Variants in ARHGEF4 observed in about 807,000 individuals in gnomAD.
ARHGEF4 encodes the protein APC-stimulated guanine nucleotide exchange factor 1.
A neutral mutation model predicts 162.0 loss-of-function variants in ARHGEF4; 119 were observed. That is an observed-to-expected ratio of 0.73 (90% CI 0.63 to 0.86). The LOEUF is 0.86. Among genes scored for constraint, ARHGEF4 ranks in the 40% least tolerant of loss-of-function variants. ARHGEF4 has a pLI of 0.00. For missense variants in ARHGEF4, 2,488 were observed against 2,456.0 expected (o/e 1.01, Z -0.28); for synonymous variants, 1,014 against 979.9 (o/e 1.03, Z -0.65).
intron 1 of ARHGEF4, among the ~76,000 whole-genome samples, chr2:130,890,652 T>C (rs527781767): frequency 6.6e-6 from 1 of 152,328 alleles, no homozygotes; most frequent in South Asian, 2.1e-4. Context: ...AAATTTCTCT[T>C]TGGCTGTGTC....
intron 1 of ARHGEF4, among the ~76,000 whole-genome samples, chr2:130,868,566 G>C (rs1043118632): frequency 4.6e-5 from 7 of 152,182 alleles, no homozygotes; most frequent in African/African-American, 1.7e-4. Flanking sequence ...TCATACTGTC[G>C]TGGCACTGTG....
intron 1 of ARHGEF4, among the ~76,000 whole-genome samples, chr2:130,876,303 G>A (rs1378332047): frequency 1.3e-5 from 2 of 152,218 alleles, no homozygotes; most frequent in African/African-American, 4.8e-5. Flanking sequence ...CGAGTGGATG[G>A]AGGACTCAGG....
In ARHGEF4 at chr2:130,917,385, C is replaced by T. The variant is rs1204142109; in HGVS notation, c.3439C>T (p.Leu1147Phe). 7.1e-6 allele frequency: 11 copies of T among 1,550,518 alleles called. No individual in the cohort carries two copies. Among genetic ancestry groups the T allele is most frequent in the Non-Finnish European group, 8.7e-6 (10 of 1,147,024 alleles). The change falls in exon 2 of 14, where the codon CTT becomes TTT. Residue 1147 changes from leucine (L) to phenylalanine (F), a missense_variant. Physicochemically the swap from Leu to Phe is conservative, Grantham distance 22 (BLOSUM62 0). Around this residue, in one of 6 missense-constraint regions of ARHGEF4, gnomAD observed 1,642 missense variants for 1,481.5 expected, o/e 1.11. Coordinates refer to ENST00000409359, the MANE Select transcript of ARHGEF4 (RefSeq NM_001367493.1). Reference sequence around the variant, plus strand: ...TCCCAAGGGCCAGACCAGTTTCCTGCTTTCTCTGCAGACGCTAAACCAAGA... The same window carrying T: ...TCCCAAGGGCCAGACCAGTTTCCTGTTTTCTCTGCAGACGCTAAACCAAGA... ...KIPKGQTSFL[L>F]SLQTLNQDEQ...
chr2:130,931,900 T>C (rs1396935790), intron 3 of ARHGEF4, among the ~76,000 whole-genome samples: 2 of 152,208 alleles, frequency 1.3e-5, no homozygotes, highest in East Asian at 3.9e-4. Flanking sequence ...CCTTGAAGAC[T>C]CACTTTTTAA....
intron 4 of ARHGEF4, among the ~76,000 whole-genome samples, chr2:130,955,555 C>T (rs1684216320): frequency 6.6e-6 from 1 of 152,184 alleles, no homozygotes; most frequent in African/African-American, 2.4e-5. Flanking sequence ...CCCACAGTCA[C>T]CCATGGATGG....
At chr2:131,036,938 G>A (rs1690332837) in intron 5 of ARHGEF4, among the ~76,000 whole-genome samples, 1 of 152,160 alleles carries the variant, frequency 6.6e-6, no homozygotes. Context: ...CACTGTGGCT[G>A]GTGGGCTCCT....
rs34513288 is a variant in ARHGEF4, at chr2:130,916,004, T to C, written c.2058T>C (p.Gly686=). The C allele has an allele frequency of 0.12, 179,260 of 1,550,310 alleles. 11,358 individuals are homozygous for C. Among genetic ancestry groups the C allele is most frequent in the Non-Finnish European group, 0.13 (148,189 of 1,146,914 alleles). ...CCACTAGGGGGAAAACACCAGCCGG[T>C]AATGAGTGTGAGTTGCCAGCAGCCC... is the stretch of plus-strand genomic sequence containing the variant. ...ESPTRGKTPA[G]NECELPAAPI... The change falls in exon 2 of 14, where the codon GGT becomes GGC. Residue 686 remains glycine (G), a synonymous_variant. Coordinates refer to ENST00000409359, the MANE Select transcript of ARHGEF4 (RefSeq NM_001367493.1).
intron 1 of ARHGEF4, among the ~76,000 whole-genome samples, chr2:130,840,237 C>G (rs997169569): frequency 6.6e-6 from 1 of 152,240 alleles, no homozygotes; most frequent in African/African-American, 2.4e-5. Flanking sequence ...CACACATAGA[C>G]CGAGTTTTCA....
At chr2:130,934,344 T>C (rs13021306) in intron 3 of ARHGEF4, among the ~76,000 whole-genome samples, 17,691 of 152,242 alleles carry the variant, frequency 0.12, 1,141 homozygotes, top group African/African-American at 0.17. Context: ...TCTCCTCTTC[T>C]ATTTTTTGAA....
intron 4 of ARHGEF4, among the ~76,000 whole-genome samples, chr2:130,992,824 C>T (rs1044279767): frequency 6.6e-6 from 1 of 152,206 alleles, no homozygotes; most frequent in African/African-American, 2.4e-5. Context: ...TACATCACAC[C>T]TGTAATCCCA....
intron 1 of ARHGEF4, among the ~76,000 whole-genome samples, chr2:130,856,677 A>G (rs1181866564): frequency 5.3e-5 from 8 of 152,238 alleles, no homozygotes; most frequent in African/African-American, 1.2e-4. Context: ...GTGGACCTAT[A>G]GCATATAGGA....
intron 4 of ARHGEF4, among the ~76,000 whole-genome samples, chr2:131,007,380 AC>A (rs1688183875): frequency 6.6e-6 from 1 of 152,190 alleles, no homozygotes; most frequent in Non-Finnish European, 1.5e-5. Flanking sequence ...TCTTTCTGGT[AC>A]CTTCAAATAG....
chr2:130,995,362 T>G (rs1490389722), intron 4 of ARHGEF4, among the ~76,000 whole-genome samples: 5 of 152,214 alleles, frequency 3.3e-5, no homozygotes, highest in African/African-American at 9.6e-5. Context: ...CTTCCGTTTG[T>G]TTCTTTCCTG....
Position 130,916,276 on chromosome 2 carries a change from C to G in ARHGEF4, c.2330C>G (p.Pro777Arg), listed in dbSNP as rs756474467. 1 of 1,526,954 alleles carries G rather than the reference C, an allele frequency of 6.5e-7. No individual in the cohort carries two copies. The highest frequency in any genetic ancestry group is 8.8e-7 in the Non-Finnish European group (1 of 1,139,650). The allele number at this position is 1,526,954 out of a possible 1,614,324, so 94.6% of individuals were successfully genotyped here. A position where few individuals can be genotyped will look rare whatever the true frequency, so the allele number is the denominator to read the frequency against. Residue 777 changes from proline (P) to arginine (R), a missense_variant, in exon 2 of 14, where the codon CCG (proline) becomes CGG (arginine). Coordinates refer to ENST00000409359, the MANE Select transcript of ARHGEF4 (RefSeq NM_001367493.1). ...GTCCCCGCCTTGGAGCCGCCCCAGC[C>G]GCCACGCGGGCTCCGCAAGGGCGCG... ...PRVPALEPPQ[P>R]PRGLRKGAQE... is the part of the protein sequence containing the mutation.
At chr2:130,909,500 G>A (rs569688612) in intron 1 of ARHGEF4, among the ~76,000 whole-genome samples, 1 of 152,192 alleles carries the variant, frequency 6.6e-6, no homozygotes, top group Non-Finnish European at 1.5e-5. Flanking sequence ...GGGAAGGAGA[G>A]GGTGTTGAGG....
chr2:131,044,057 AG>A (rs1691038716), intron 11 of ARHGEF4, among the ~76,000 whole-genome samples: 1 of 152,092 alleles, frequency 6.6e-6, no homozygotes, highest in Non-Finnish European at 1.5e-5. Context: ...CCCACCTCAA[AG>A]ACAGGGCCAA....
intron 4 of ARHGEF4, among the ~76,000 whole-genome samples, chr2:130,993,471 T>A (rs1332675376): frequency 6.6e-6 from 1 of 152,128 alleles, no homozygotes; most frequent in Non-Finnish European, 1.5e-5. Flanking sequence ...GGTGCAGAAT[T>A]TCATTTAGGT....
At chr2:130,970,445 C>T (rs751759500) in intron 4 of ARHGEF4, among the ~76,000 whole-genome samples, 48 of 151,920 alleles carry the variant, frequency 3.2e-4, no homozygotes, top group Non-Finnish European at 4.7e-4. Flanking sequence ...AAAAATTAGC[C>T]GGGCATGGTG....
At chr2:131,043,610 C>T in intron 11 of ARHGEF4, 27 bp downstream of exon 11, 1 of 1,613,262 alleles carries the variant, frequency 6.2e-7, no homozygotes, top group South Asian at 1.1e-5. Flanking sequence ...GCCCTGCTGC[C>T]CCAAGTTGAG....
Sources: allele counts gnomAD v4.1 joint callset (sites outside exome capture counted in the v4.1 genomes callset), GRCh38; gene constraint gnomAD v4.1.1; regional missense constraint gnomAD v4.1.1; transcripts MANE v1.5; gene names NCBI Gene and HGNC (gene_info 2026-07-23, HGNC 2026-07-21).